The following TBC1D9 variants were observed in gnomAD, a reference collection of about 807,000 sequenced individuals.
TBC1D9 encodes the protein TBC1 domain family member 9, also known as TBC1 domain family member 9A.
In TBC1D9, 63 loss-of-function variants were observed where a neutral mutation model predicts 132.0. The observed-to-expected ratio is 0.48, with a 90% CI of 0.39 to 0.59. TBC1D9 has a LOEUF of 0.59. Among genes scored for constraint, TBC1D9 ranks in the 20% least tolerant of loss-of-function variants. The pLI is 0.00. For missense variants in TBC1D9, 1,261 were observed against 1,592.7 expected, an observed-to-expected ratio of 0.79 and a Z score of 3.54; for synonymous variants, 610 against 609.9, an observed-to-expected ratio of 1.00 and a Z score of 0.00.
chr4:140,679,800 T>C lies in TBC1D9; in HGVS notation c.404A>G (p.Asp135Gly). The C allele has an allele frequency of 6.2e-7, 1 of 1,613,774 alleles. No individual in the cohort carries two copies. The highest frequency in any genetic ancestry group is 8.5e-7 in the Non-Finnish European group (1 of 1,179,798). ...TTCTTTAAACTTCTCCGTGTCATCA[T>C]CTTCCTTTACATCATTGATTTTGTT... ...EYNKINDVKE[D>G]DDTEKFKEAI... The change falls in exon 4 of 21, where the codon GAT becomes GGT. Residue 135 changes from aspartate (D) to glycine (G), a missense_variant. This residue lies in a region of TBC1D9 where 550 missense variants were observed against 699.0 expected (regional missense o/e 0.79). Coordinates refer to ENST00000442267, the MANE Select transcript of TBC1D9 (RefSeq NM_015130.3).
intron 6 of TBC1D9, among the ~76,000 whole-genome samples, chr4:140,673,199 G>T (rs1425991625): frequency 1.3e-5 from 2 of 151,848 alleles, no homozygotes; most frequent in Non-Finnish European, 2.9e-5. Context: ...TCTCTTGCTG[G>T]CTTAATAATT....
intron 13 of TBC1D9, among the ~76,000 whole-genome samples, chr4:140,640,452 G>A (rs914355807): frequency 2.3e-4 from 33 of 146,652 alleles, no homozygotes; most frequent in Non-Finnish European, 2.4e-4. Context: ...TGGGGTGGGG[G>A]GGGGAGTAGG....
intron 1 of TBC1D9, among the ~76,000 whole-genome samples, chr4:140,716,636 T>A (rs1357200792): frequency 6.6e-6 from 1 of 152,138 alleles, no homozygotes; most frequent in Non-Finnish European, 1.5e-5. Flanking sequence ...GCTATAAACT[T>A]GTCACAACAG....
intron 1 of TBC1D9, among the ~76,000 whole-genome samples, chr4:140,729,300 T>C (rs1738549491): frequency 6.6e-6 from 1 of 152,154 alleles, no homozygotes; most frequent in South Asian, 2.1e-4. Context: ...ATATGAGAGA[T>C]ATGCATAGTT....
At chr4:140,694,826 G>A (rs1348158464) in intron 2 of TBC1D9, among the ~76,000 whole-genome samples, 1 of 151,038 alleles carries the variant, frequency 6.6e-6, no homozygotes, top group Non-Finnish European at 1.5e-5. Context: ...GTGGTATTTT[G>A]TTTTCTTTTT....
chr4:140,749,522 A>T (rs1738889574), intron 1 of TBC1D9, among the ~76,000 whole-genome samples: 1 of 152,166 alleles, frequency 6.6e-6, no homozygotes, highest in African/African-American at 2.4e-5. Context: ...TTCAAAATTG[A>T]GTAAGAAAAA....
chr4:140,686,492 A>G, intron 2 of TBC1D9, 30 bp from the exon 3 acceptor site: 3 of 1,355,976 alleles, frequency 2.2e-6, no homozygotes, highest in Non-Finnish European at 3.1e-6. Context: ...AATTCATGTC[A>G]GATTTCATGC....
chr4:140,643,258 C>A, intron 13 of TBC1D9: 1 of 1,302,582 alleles, frequency 7.7e-7, no homozygotes, highest in Non-Finnish European at 1.1e-6. Flanking sequence ...TCCAGCTCTG[C>A]GATCTCGCTC....
At chr4:140,670,622 G>T in intron 7 of TBC1D9, 98 bp downstream of exon 7, 1 of 951,846 alleles carries the variant, frequency 1.1e-6, no homozygotes, top group Non-Finnish European at 1.6e-6. Flanking sequence ...GGCGTCAGAC[G>T]CAAAGCTTGA....
At chr4:140,643,405 T>G (rs867431729) in intron 13 of TBC1D9, 2 of 275,494 alleles carry the variant, frequency 7.3e-6, no homozygotes, top group South Asian at 1.6e-4. Flanking sequence ...GCCACCTCCA[T>G]GCCAGCCAGT....
chr4:140,623,164 A>C (rs1736648359), intron 20 of TBC1D9, among the ~76,000 whole-genome samples: 2 of 152,144 alleles, frequency 1.3e-5, no homozygotes, highest in Admixed American at 1.3e-4. Flanking sequence ...GGTTCACTGC[A>C]GCCTCAACAT....
In TBC1D9 at chr4:140,621,930, T is replaced by C; in HGVS notation, c.*265A>G. On this transcript the variant is annotated 3_prime_UTR_variant, in exon 21 of 21. Transcript: ENST00000442267. Reference sequence around the variant, plus strand: ...ATAATACACACATATCACTGACAGATTCATCTTTTTGTTTTTTAGAATTCA... The same window carrying C: ...ATAATACACACATATCACTGACAGACTCATCTTTTTGTTTTTTAGAATTCA... 1 of 371,412 alleles carries C rather than the reference T, an allele frequency of 2.7e-6. No individual in the cohort carries two copies. The highest frequency in any genetic ancestry group is 4.7e-6 in the Non-Finnish European group (1 of 211,460). The allele number at this position is 371,412 out of a possible 1,614,324, so 23.0% of individuals were successfully genotyped here. A position where few individuals can be genotyped will look rare whatever the true frequency, so the allele number is the denominator to read the frequency against.
At chr4:140,642,922 G>C in intron 13 of TBC1D9, 2 of 596,426 alleles carry the variant, frequency 3.4e-6, no homozygotes, top group Non-Finnish European at 5.8e-6. Context: ...TCCCGGCGCC[G>C]CTGCAGCTTC....
intron 1 of TBC1D9, among the ~76,000 whole-genome samples, chr4:140,745,029 T>C (rs1215022781): frequency 2.0e-5 from 3 of 152,082 alleles, no homozygotes; most frequent in African/African-American, 4.8e-5. Flanking sequence ...TTTAAACCAA[T>C]TGCCCATCAG....
rs562712668 is a variant in TBC1D9, at chr4:140,638,547, C to T, written c.2505+539G>A. On this transcript the variant is annotated intron_variant, in intron 15 of 20. Coordinates refer to ENST00000442267, the MANE Select transcript of TBC1D9 (RefSeq NM_015130.3). ...AAAAAAGAAAAATATAAAAGTTAGC[C>T]GGGTGTGGTGGTGTGCGCCTGTAAT... 2.2e-3 allele frequency among the ~76,000 whole-genome samples: 337 copies of T among 151,102 alleles called. 1 individual carries two copies. The highest frequency in any genetic ancestry group is 3.8e-3 in the Non-Finnish European group (259 of 67,786).
chr4:140,702,902 T>C (rs1738094102), intron 1 of TBC1D9, among the ~76,000 whole-genome samples: 1 of 152,136 alleles, frequency 6.6e-6, no homozygotes, highest in Non-Finnish European at 1.5e-5. Context: ...TCAGACCAGC[T>C]GACAATATTA....
At chr4:140,730,673 C>T (rs1204552129) in intron 1 of TBC1D9, among the ~76,000 whole-genome samples, 1 of 152,066 alleles carries the variant, frequency 6.6e-6, no homozygotes, top group Non-Finnish European at 1.5e-5. Flanking sequence ...TTGTAATGAG[C>T]CTAGATCTCA....
rs1358436068 is a variant in TBC1D9 at position 140,622,517 on chromosome 4, C to A, written c.3479G>T (p.Ser1160Ile). The A allele has an allele frequency of 2.5e-6, 4 of 1,613,954 alleles. No homozygotes were observed. In the South Asian group the frequency reaches 4.4e-5, roughly 18 times the overall value. ...LISDDDTKDDSSMSSYSVLSA... is the reference protein window; with the variant it reads ...LISDDDTKDDISMSSYSVLSA... Reference sequence around the variant, plus strand: ...CAGCACCGAGTATGAGGACATGGAGCTGTCGTCCTTGGTGTCGTCGTCAGA... The same window carrying A: ...CAGCACCGAGTATGAGGACATGGAGATGTCGTCCTTGGTGTCGTCGTCAGA... The change falls in exon 21 of 21, where the codon AGC (serine) becomes ATC (isoleucine). Residue 1160 changes from serine to isoleucine, a missense_variant. Physicochemically the swap from Ser to Ile is moderately radical, Grantham distance 142. This residue lies in a region of TBC1D9 where 618 missense variants were observed against 724.4 expected (regional missense o/e 0.85). Transcript: ENST00000442267.
intron 16 of TBC1D9, among the ~76,000 whole-genome samples, chr4:140,631,998 A>G (rs539904095): frequency 1.5e-3 from 229 of 152,308 alleles, no homozygotes; most frequent in African/African-American, 5.3e-3. Flanking sequence ...ACAGCTCTGC[A>G]ACCACATCTG....
Sources: gnomAD v4.1 joint callset for allele counts (sites outside exome capture counted in the v4.1 genomes callset) on GRCh38, gnomAD v4.1.1 for gene constraint, gnomAD v4.1.1 regional missense constraint, MANE v1.5 for transcripts, NCBI Gene and HGNC (gene_info 2026-07-23, HGNC 2026-07-21) for gene names.